The following RFX7 variants were observed in gnomAD, a reference collection of about 807,000 sequenced individuals.
RFX7 encodes the protein DNA-binding protein RFX7.
Under a neutral mutation model 111.8 loss-of-function variants are expected in RFX7, and 26 were observed. The observed-to-expected ratio is 0.23, with a 90% confidence interval of 0.17 to 0.32. RFX7 has a LOEUF of 0.32. Among genes scored for constraint, RFX7 ranks in the 10% least tolerant of loss-of-function variants. The pLI, the probability that RFX7 is intolerant of heterozygous loss-of-function variation, is 1.00. For synonymous variants in RFX7, 624 were observed against 624.4 expected (o/e 1.00, Z 0.01); for missense variants, 1,573 against 1,772.9 (o/e 0.89, Z 2.02).
chr15:56,142,892 T>A lies in RFX7; in HGVS notation c.287A>T (p.Asn96Ile), dbSNP rs536026351. The A allele has an allele frequency of 6.2e-7, 1 of 1,613,566 alleles. No individual in the cohort carries two copies. The highest frequency in any genetic ancestry group is 1.3e-5 in the African/African-American group (1 of 75,046). ...TTGTGCCCGACTAGATGACATGGCATTCTGATCACTAATAGAATGAAAACA... is the reference window on the plus strand; with the variant it reads ...TTGTGCCCGACTAGATGACATGGCAATCTGATCACTAATAGAATGAAAACA... ...GLSNGEKSDQNAMSSSRAQQM... is the reference protein window; with the variant it reads ...GLSNGEKSDQIAMSSSRAQQM... The change falls in exon 5 of 10, where the codon AAT (asparagine) becomes ATT (isoleucine). Residue 96 changes from asparagine to isoleucine, a missense_variant. By Grantham distance (149) the Asn-to-Ile change is moderately radical. Transcript: ENST00000559447.
chr15:56,170,349 A>T (rs1418496098), intron 3 of RFX7, among the ~76,000 whole-genome samples: 1 of 152,180 alleles, frequency 6.6e-6, no homozygotes, highest in Non-Finnish European at 1.5e-5. Context: ...AACTATAAGT[A>T]CGTGTTACGA....
chr15:56,101,508 G>A lies in RFX7; in HGVS notation c.662C>T (p.Ser221Phe). 1.9e-6 allele frequency: 3 copies of A among 1,613,782 alleles called. No individual in the cohort carries two copies. The highest frequency in any genetic ancestry group is 2.5e-6 in the Non-Finnish European group (3 of 1,179,788). Residue 221 changes from serine to phenylalanine, a missense_variant, in exon 8 of 10, where the codon TCT (serine) becomes TTT (phenylalanine). By Grantham distance (155) the Ser-to-Phe change is radical. Around this residue, in one of 7 missense-constraint regions of RFX7, gnomAD observed 288 missense variants for 337.9 expected, o/e 0.85. Transcript: ENST00000559447. ...CCACTCACACACAAGACGGCAAGCA[G>A]AAGAGATAACTTCTTCATCAATATT... ...LQNIDEEVIS[S>F]ACRLVCEWAQ...
At chr15:56,229,804 T>C (rs568363497) in intron 2 of RFX7, among the ~76,000 whole-genome samples, 14 of 152,280 alleles carry the variant, frequency 9.2e-5, no homozygotes, top group African/African-American at 3.4e-4. Flanking sequence ...TGAAAGGGTC[T>C]TTAAAAGCAA....
intron 5 of RFX7, among the ~76,000 whole-genome samples, chr15:56,128,037 A>C (rs2042167779): frequency 2.0e-5 from 3 of 152,196 alleles, no homozygotes; most frequent in African/African-American, 7.2e-5. Flanking sequence ...TACATGAAAG[A>C]AACAAAATTC....
chr15:56,241,165 G>A (rs904238861), intron 2 of RFX7, among the ~76,000 whole-genome samples: 1 of 152,026 alleles, frequency 6.6e-6, no homozygotes, highest in Non-Finnish European at 1.5e-5. Context: ...GGATTCACGT[G>A]TTTGCTGCCC....
At chr15:56,139,868 C>T (rs534804127) in intron 5 of RFX7, among the ~76,000 whole-genome samples, 15 of 152,294 alleles carry the variant, frequency 9.8e-5, no homozygotes, top group South Asian at 4.1e-4. Context: ...TGTTGGAATA[C>T]GCTGCAGTGT....
intron 4 of RFX7, 83 bp from the exon 5 acceptor site, chr15:56,142,983 G>C: frequency 2.1e-6 from 3 of 1,460,230 alleles, no homozygotes; most frequent in Non-Finnish European, 1.9e-6. Context: ...TTCCACTAAA[G>C]AACTGTATAC....
chr15:56,125,081 G>A (rs2140978015), intron 5 of RFX7, among the ~76,000 whole-genome samples: 1 of 152,294 alleles, frequency 6.6e-6, no homozygotes, highest in East Asian at 1.9e-4. Context: ...TGTATACCCA[G>A]TTTCCTCAGC....
At chr15:56,144,578 T>A (rs2042443500) in intron 3 of RFX7, 95 bp from the exon 4 acceptor site, 3 of 447,532 alleles carry the variant, frequency 6.7e-6, no homozygotes, top group South Asian at 5.9e-5. Flanking sequence ...CGATAATGAC[T>A]ATTTAAATTT....
chr15:56,243,183 GCACAAGGGCTGGCAGGGC>G lies in RFX7; in HGVS notation c.85_102del (p.Ala29_Val34del). 7.4e-7 allele frequency: 1 copy of G among 1,354,140 alleles called. No individual in the cohort carries two copies. The highest frequency in any genetic ancestry group is 1.5e-5 in the African/African-American group (1 of 67,240). 83.9% of individuals were successfully genotyped at this position (1,354,140 alleles called of 1,614,324 possible). A position where few individuals can be genotyped will look rare whatever the true frequency, so the allele number is the denominator to read the frequency against. ...CTGGCCTCTGTCCCTGGCAGCCCGG[GCACAAGGGCTGGCAGGGC>G]CACCCCCGAGTTGGGGGCGCTGGGG... On this transcript the variant is annotated inframe_deletion, in exon 2 of 10. Transcript: ENST00000559447.
chr15:56,189,230 T>G (rs1693316904), intron 2 of RFX7, among the ~76,000 whole-genome samples: 1 of 152,120 alleles, frequency 6.6e-6, no homozygotes, highest in Non-Finnish European at 1.5e-5. Flanking sequence ...CTACAAATTT[T>G]TTTTTAAAAA....
At chr15:56,148,266 G>C (rs1328632799) in intron 3 of RFX7, among the ~76,000 whole-genome samples, 10 of 152,192 alleles carry the variant, frequency 6.6e-5, no homozygotes, top group Admixed American at 6.5e-4. Context: ...GTTATTTCCA[G>C]CAAGTGAGCC....
At chr15:56,140,351 A>G (rs2042373891) in intron 5 of RFX7, among the ~76,000 whole-genome samples, 1 of 152,114 alleles carries the variant, frequency 6.6e-6, no homozygotes, top group Non-Finnish European at 1.5e-5. Flanking sequence ...GGAAAAGCGC[A>G]GTATTCGGGT....
rs2043482882 is a variant in RFX7 at position 56,226,309 on chromosome 15, G to A, written c.161+16816C>T. On this transcript the variant is annotated intron_variant, in intron 2 of 9. Transcript: ENST00000559447. ...CCACCTACAGAGTCTACCTATCATA[G>A]TGACTATCAGGAAAGGTGGGGAATT... 1.3e-5 allele frequency among the ~76,000 whole-genome samples: 2 copies of A among 152,110 alleles called. 1 individual carries two copies. The highest frequency in any genetic ancestry group is 4.1e-4 in the South Asian group (2 of 4,832).
chr15:56,130,908 A>G lies in RFX7; in HGVS notation c.401+11870T>C, dbSNP rs914620798. On this transcript the variant is annotated intron_variant, in intron 5 of 9. Coordinates refer to ENST00000559447, the MANE Select transcript of RFX7 (RefSeq NM_022841.7). Reference sequence around the variant, plus strand: ...ATAAAGTAAAAACCTAACCAGTGTAAAACACAAAAATTGTCAAAGAATTAC... The same window carrying G: ...ATAAAGTAAAAACCTAACCAGTGTAGAACACAAAAATTGTCAAAGAATTAC... 2.0e-5 allele frequency among the ~76,000 whole-genome samples: 3 copies of G among 152,284 alleles called. No homozygotes were observed. The South Asian group carries it at 6.2e-4, about 32-fold the overall frequency.
chr15:56,148,556 C>G (rs1165745817), intron 3 of RFX7, among the ~76,000 whole-genome samples: 1 of 152,084 alleles, frequency 6.6e-6, no homozygotes, highest in African/African-American at 2.4e-5. Flanking sequence ...GCCACGCAAC[C>G]CCCTTCCCTT....
At chr15:56,227,779 T>G (rs1212248257) in intron 2 of RFX7, among the ~76,000 whole-genome samples, 5 of 152,140 alleles carry the variant, frequency 3.3e-5, no homozygotes, top group Admixed American at 2.6e-4. Flanking sequence ...ATAAAAGGTG[T>G]TATTTTATTT....
At chr15:56,164,388 T>C (rs562247511) in intron 3 of RFX7, among the ~76,000 whole-genome samples, 1 of 152,350 alleles carries the variant, frequency 6.6e-6, no homozygotes, top group African/African-American at 2.4e-5. Context: ...ATCCAGACTA[T>C]ATCTGAGCAA....
At position 56,094,946 on chromosome 15, in the gene RFX7, G is replaced by A. The variant is rs1344612440; in HGVS notation, c.2782C>T (p.His928Tyr). 6.3e-7 allele frequency: 1 copy of A among 1,599,580 alleles called. No homozygotes were observed. The highest frequency in any genetic ancestry group is 8.5e-7 in the Non-Finnish European group (1 of 1,173,040). The change falls in exon 10 of 10, where the codon CAC becomes TAC. Residue 928 changes from histidine to tyrosine, a missense_variant. By Grantham distance (83) the His-to-Tyr change is moderately conservative. This residue lies in a region of RFX7 where 625 missense variants were observed against 632.2 expected (regional missense o/e 0.99). Coordinates refer to ENST00000559447, the MANE Select transcript of RFX7 (RefSeq NM_022841.7). The part of the protein sequence containing the change: ...SVTPGAPMSS[H>Y]TSSTHFYHPI... Reference sequence around the variant, plus strand: ...TGATAGAAGTGGGTGCTGGAAGTGTGAGATGACATTGGAGCTCCTGGAGTT... The same window carrying A: ...TGATAGAAGTGGGTGCTGGAAGTGTAAGATGACATTGGAGCTCCTGGAGTT...
Sources: gnomAD v4.1 joint callset for allele counts (sites outside exome capture counted in the v4.1 genomes callset) on GRCh38, gnomAD v4.1.1 for gene constraint, gnomAD v4.1.1 regional missense constraint, MANE v1.5 for transcripts, NCBI Gene and HGNC (gene_info 2026-07-23, HGNC 2026-07-21) for gene names.